The following ANK3 variants were observed in gnomAD, a reference collection of about 807,000 sequenced individuals.
ANK3 encodes ankyrin 3.
Under a neutral mutation model 370.9 loss-of-function variants are expected in ANK3, and 57 were observed. The ratio of observed to expected loss-of-function variants is 0.15; its 90% CI spans 0.12 to 0.19. The LOEUF is 0.19. Ranked by LOEUF, ANK3 falls within the 10% of genes least tolerant of loss-of-function variation. ANK3 has a pLI of 1.00. For synonymous variants in ANK3, 1,929 were observed against 1,946.3 expected, an observed-to-expected ratio of 0.99 and a Z score of 0.23; for missense variants, 4,439 against 5,302.1, an observed-to-expected ratio of 0.84 and a Z score of 5.06.
In ANK3 at chr10:60,070,959, C is replaced by G; in HGVS notation, c.9922G>C (p.Val3308Leu). 1 of 1,614,128 alleles carries G rather than the reference C, an allele frequency of 6.2e-7. No individual in the cohort carries two copies. The highest frequency in any genetic ancestry group is 8.5e-7 in the Non-Finnish European group (1 of 1,180,012). The change falls in exon 37 of 44, where the codon GTT (valine) becomes CTT (leucine). Residue 3308 changes from valine (V) to leucine (L), a missense_variant. This residue lies in a region of ANK3 where 1,601 missense variants were observed against 1,731.7 expected (regional missense o/e 0.92). Transcript: ENST00000280772. This position sits in a 1 kb window ranked among gnomAD's most constrained non-coding sequence, Gnocchi z 5.7. The stretch of plus-strand genomic sequence containing the variant: ...TCACTGACGTCTGCCCCGGGAGGAA[C>G]TGGTGAAGGTGGCTGCACTCTAATG... Reference protein sequence around the residue: ...PVIRVQPPSPVPPGADVSDSS... With the variant: ...PVIRVQPPSPLPPGADVSDSS...
At chr10:60,594,820 T>C (rs1312206258) in intron 2 of ANK3, among the ~76,000 whole-genome samples, 2 of 152,140 alleles carry the variant, frequency 1.3e-5, no homozygotes, top group East Asian at 3.9e-4. Flanking sequence ...TTTGAGAGGT[T>C]TACAAGGGTT....
chr10:60,483,815 A>G (rs562537338), intron 2 of ANK3, among the ~76,000 whole-genome samples: 96 of 152,300 alleles, frequency 6.3e-4, no homozygotes, highest in African/African-American at 2.2e-3. Flanking sequence ...CCTTATGAGA[A>G]GGCAAGAAGA....
rs759335118 is a variant in ANK3, at chr10:60,108,953, G to A, written c.3050C>T (p.Pro1017Leu). Residue 1017 changes from proline (P) to leucine (L), a missense_variant, in exon 27 of 44, where the codon CCC (proline) becomes CTC (leucine). This residue lies in a region of ANK3 where 702 missense variants were observed against 941.5 expected (regional missense o/e 0.75). Coordinates refer to ENST00000280772, the MANE Select transcript of ANK3 (RefSeq NM_020987.5). The stretch of plus-strand genomic sequence containing the variant: ...TACCAAACGGCAGGTGATTCGAGTG[G>A]GGGCCGTACACTTGCGTGGAGGAAT... ...IIIPPRKCTAPTRITCRLVKR... is the reference protein window; with the variant it reads ...IIIPPRKCTALTRITCRLVKR... 1 of 1,614,000 alleles carries A rather than the reference G, an allele frequency of 6.2e-7. No individual in the cohort carries two copies. The highest frequency in any genetic ancestry group is 8.5e-7 in the Non-Finnish European group (1 of 1,179,968).
rs758748209 is a variant in ANK3, at chr10:60,070,010, A to G, written c.10871T>C (p.Phe3624Ser). ...GAAAAATTGGAGCCTCTCTTCAACA[A>G]AATCCCTCTTGCTCATGTCAATTGC... Reference protein sequence around the residue: ...SGAIDMSKRDFVEERLQFFQI... With the variant: ...SGAIDMSKRDSVEERLQFFQI... The change falls in exon 37 of 44, where the codon TTT becomes TCT. Residue 3624 changes from phenylalanine to serine, a missense_variant. By Grantham distance (155) the Phe-to-Ser change is radical. This residue lies in a region of ANK3 where 496 missense variants were observed against 529.3 expected (regional missense o/e 0.94). Transcript: ENST00000280772. This position sits in a 1 kb window ranked among gnomAD's most constrained non-coding sequence, Gnocchi z 5.7. 1.2e-6 allele frequency: 2 copies of G among 1,614,036 alleles called. No homozygotes were observed. Among genetic ancestry groups the G allele is most frequent in the Non-Finnish European group, 1.7e-6 (2 of 1,179,984 alleles).
intron 42 of ANK3, among the ~76,000 whole-genome samples, chr10:60,049,873 C>T (rs530286044): frequency 1.3e-5 from 2 of 152,196 alleles, no homozygotes; most frequent in South Asian, 4.2e-4. Flanking sequence ...TCTTTATCCC[C>T]GCCTTCCACT....
chr10:60,664,940 C>A (rs1226354042), intron 1 of ANK3, among the ~76,000 whole-genome samples: 2 of 152,080 alleles, frequency 1.3e-5, no homozygotes, highest in African/African-American at 2.4e-5. Flanking sequence ...AAAGAATAAG[C>A]CTTAAACCAT....
Position 60,583,519 on chromosome 10 carries a change from TTTTTTG to T in ANK3, c.96+31661_96+31666del, listed in dbSNP as rs1403975692. On this transcript the variant is annotated intron_variant, in intron 2 of 43. Transcript: ENST00000373827. ...TTACAGAGAGGTTTTTTGTTTTTTG[TTTTTTG>T]TTTTTTTTTGAGGTGGAATCTCGTT... 3.6e-4 allele frequency among the ~76,000 whole-genome samples: 44 copies of T among 123,252 alleles called. 8 individuals carry two copies. Among genetic ancestry groups the T allele is most frequent in the Admixed American group, 1.4e-3 (16 of 11,648 alleles). The allele number at this position is 123,252 out of a possible 152,430, so 80.9% of individuals were successfully genotyped here.
At chr10:60,602,151 T>C (rs1595340497) in intron 2 of ANK3, among the ~76,000 whole-genome samples, 1 of 152,262 alleles carries the variant, frequency 6.6e-6, no homozygotes, top group Admixed American at 6.6e-5. Flanking sequence ...CATTTATTTC[T>C]CACAAAAATC....
intron 1 of ANK3, among the ~76,000 whole-genome samples, chr10:60,343,662 G>T (rs2054765144): frequency 6.6e-6 from 1 of 152,206 alleles, no homozygotes; most frequent in African/African-American, 2.4e-5. Context: ...GACAGATCTA[G>T]AGGTACCTTT....
At chr10:60,156,928 C>T (rs930563715) in intron 23 of ANK3, among the ~76,000 whole-genome samples, 6 of 152,268 alleles carry the variant, frequency 3.9e-5, no homozygotes, top group South Asian at 2.1e-4. Flanking sequence ...GAAAACATTA[C>T]CTCACCAAAT....
At chr10:60,514,338 G>A (rs1474256174) in intron 2 of ANK3, among the ~76,000 whole-genome samples, 1 of 152,028 alleles carries the variant, frequency 6.6e-6, no homozygotes, top group Admixed American at 6.6e-5. Context: ...ATTCCAAAAA[G>A]AAGCAAACCC....
At chr10:60,519,293 A>C (rs1038997672) in intron 2 of ANK3, among the ~76,000 whole-genome samples, 1 of 152,076 alleles carries the variant, frequency 6.6e-6, no homozygotes, top group Non-Finnish European at 1.5e-5. Context: ...TCCACTCACC[A>C]AATATCTCAT....
In ANK3 at chr10:60,073,019, T is replaced by C. The variant is rs748298419; in HGVS notation, c.7862A>G (p.Tyr2621Cys). Reference sequence around the variant, plus strand: ...GCTACTGGTAGGGCTTTGAGAAGAATATTCTTTGCCATTTTTAGGGCGTGC... The same window carrying C: ...GCTACTGGTAGGGCTTTGAGAAGAACATTCTTTGCCATTTTTAGGGCGTGC... ...KKARPKNGKEYSSQSPTSSSP... is the reference protein window; with the variant it reads ...KKARPKNGKECSSQSPTSSSP... Residue 2621 changes from tyrosine (Y) to cysteine (C), a missense_variant, in exon 37 of 44, where the codon TAT becomes TGT. By Grantham distance (194) the Tyr-to-Cys change is radical. Coordinates refer to ENST00000280772, the MANE Select transcript of ANK3 (RefSeq NM_020987.5). The C allele has an allele frequency of 2.1e-5, 34 of 1,614,050 alleles. No individual in the cohort carries two copies. Among genetic ancestry groups the C allele is most frequent in the Non-Finnish European group, 2.8e-5 (33 of 1,180,014 alleles).
chr10:60,504,040 T>C (rs957179174), intron 2 of ANK3, among the ~76,000 whole-genome samples: 1 of 152,102 alleles, frequency 6.6e-6, no homozygotes, highest in African/African-American at 2.4e-5. Flanking sequence ...TACAAAAGTA[T>C]AAGAGGGAAC....
chr10:60,206,807 G>A lies in ANK3; in HGVS notation c.1195-917C>T, dbSNP rs529274215. 7.9e-5 allele frequency among the ~76,000 whole-genome samples: 12 copies of A among 152,288 alleles called. No individual in the cohort carries two copies. The South Asian group carries it at 1.2e-3, about 16-fold the overall frequency. The stretch of plus-strand genomic sequence containing the variant: ...TGCCTGCCGATTGAGACTGTGGCAC[G>A]TATTTCAGCTGCCAGTGGAGAACTA... On this transcript the variant is annotated intron_variant, in intron 10 of 43. Coordinates refer to ENST00000280772, the MANE Select transcript of ANK3 (RefSeq NM_020987.5).
intron 23 of ANK3, chr10:60,145,907 G>A (rs547740291): frequency 4.3e-6 from 3 of 703,110 alleles, no homozygotes; most frequent in African/African-American, 1.7e-5. Flanking sequence ...GAATGAAAGA[G>A]CAGTGATTGC....
At chr10:60,625,362 C>T (rs569792507) in intron 1 of ANK3, among the ~76,000 whole-genome samples, 2 of 152,256 alleles carry the variant, frequency 1.3e-5, no homozygotes, top group South Asian at 4.1e-4. Flanking sequence ...TGGTAATAGA[C>T]ATTTGAATTG....
At chr10:60,694,767 C>A (rs2079417499) in intron 1 of ANK3, among the ~76,000 whole-genome samples, 1 of 151,906 alleles carries the variant, frequency 6.6e-6, no homozygotes, top group Admixed American at 6.6e-5. Context: ...TGGAAAGGAA[C>A]AACCAGTACC....
chr10:60,552,143 T>A (rs1475554604), intron 2 of ANK3, among the ~76,000 whole-genome samples: 1 of 152,218 alleles, frequency 6.6e-6, no homozygotes, highest in East Asian at 1.9e-4. Flanking sequence ...TAAGACTTTA[T>A]CAATTATAAG....
Sources: allele counts gnomAD v4.1 joint callset (sites outside exome capture counted in the v4.1 genomes callset), GRCh38; gene constraint gnomAD v4.1.1; regional missense constraint gnomAD v4.1.1; non-coding constraint Gnocchi (gnomAD v3.1); transcripts MANE v1.5; gene names NCBI Gene and HGNC (gene_info 2026-07-23, HGNC 2026-07-21).